Variants in LRRC17 observed in about 807,000 individuals in gnomAD.
LRRC17 encodes leucine-rich repeat-containing protein 17.
A neutral mutation model predicts 41.5 loss-of-function variants in LRRC17; 33 were observed. The ratio of observed to expected loss-of-function variants is 0.80; its 90% CI spans 0.60 to 1.06. LRRC17 has a LOEUF of 1.06. Ranked by LOEUF, LRRC17 falls within the 50% of genes least tolerant of loss-of-function variation. The pLI is 0.00. For missense variants in LRRC17, 491 were observed against 519.3 expected (o/e 0.95, Z 0.53); for synonymous variants, 192 against 197.0 (o/e 0.97, Z 0.21).
intron 1 of LRRC17, among the ~76,000 whole-genome samples, chr7:102,922,092 A>G (rs2129471007): frequency 6.6e-6 from 1 of 152,104 alleles, no homozygotes; most frequent in Non-Finnish European, 1.5e-5. Context: ...CAGGAGGCTG[A>G]GGCAGGAGAC....
intron 1 of LRRC17, chr7:102,926,173 G>C: frequency 1.2e-6 from 1 of 867,734 alleles, no homozygotes; most frequent in Non-Finnish European, 1.8e-6. Context: ...CAGTGGTGGG[G>C]TGTTGATAAA....
intron 3 of LRRC17, among the ~76,000 whole-genome samples, chr7:102,941,803 G>A (rs1263401068): frequency 1.3e-5 from 2 of 151,370 alleles, no homozygotes; most frequent in Non-Finnish European, 2.9e-5. Flanking sequence ...ATGTATTAAA[G>A]TAATGAGTAA....
Position 102,913,052 on chromosome 7 carries a change from C to T in LRRC17, c.-234C>T. On this transcript the variant is annotated 5_prime_UTR_variant, in exon 1 of 4. Transcript: ENST00000339431. ...GCCCATTCTCTGGAGAACTTCCTCA[C>T]ACACCGCAGCAAAGAGAAGACTGAA... 1.2e-6 allele frequency: 2 copies of T among 1,613,796 alleles called. No homozygotes were observed. The highest frequency in any genetic ancestry group is 1.7e-6 in the Non-Finnish European group (2 of 1,179,816).
chr7:102,939,889 T>C (rs1405824691), intron 3 of LRRC17, among the ~76,000 whole-genome samples: 6 of 151,766 alleles, frequency 4.0e-5, no homozygotes, highest in Non-Finnish European at 8.8e-5. Flanking sequence ...TACTAAAATG[T>C]AGTGGTTTTT....
At chr7:102,927,522 A>G (rs1453520305) in intron 1 of LRRC17, among the ~76,000 whole-genome samples, 1 of 152,228 alleles carries the variant, frequency 6.6e-6, no homozygotes, top group Non-Finnish European at 1.5e-5. Context: ...TTTTAAAACA[A>G]TAAAATCCTG....
intron 1 of LRRC17, among the ~76,000 whole-genome samples, chr7:102,914,662 C>T (rs1342185619): frequency 6.6e-6 from 1 of 152,164 alleles, no homozygotes; most frequent in African/African-American, 2.4e-5. Context: ...TTACTTGATT[C>T]AGAACACACA....
intron 1 of LRRC17, among the ~76,000 whole-genome samples, chr7:102,922,467 T>C (rs1202076300): frequency 6.6e-6 from 1 of 152,156 alleles, no homozygotes. Flanking sequence ...CCAAAAAAAG[T>C]ATGCATATAA....
intron 3 of LRRC17, 91 bp from the exon 4 acceptor site, chr7:102,944,119 C>G: frequency 1.0e-6 from 1 of 955,406 alleles, no homozygotes; most frequent in Non-Finnish European, 1.5e-6. Context: ...GAAAATTAAG[C>G]CTCTTTTTAA....
intron 1 of LRRC17, among the ~76,000 whole-genome samples, chr7:102,924,875 C>T (rs552897307): frequency 3.9e-5 from 6 of 152,048 alleles, no homozygotes; most frequent in African/African-American, 9.6e-5. Flanking sequence ...ATGATCCACC[C>T]GCCCCGGCCT....
chr7:102,915,122 A>AT (rs386410852), intron 1 of LRRC17, among the ~76,000 whole-genome samples: 16,357 of 128,090 alleles, frequency 0.13, 1,135 homozygotes, highest in African/African-American at 0.18. Context: ...AGATTAAAAT[A>AT]TTTTTTTTTT....
At chr7:102,943,335 CCA>C (rs1491312982) in intron 3 of LRRC17, among the ~76,000 whole-genome samples, 6 of 13,862 alleles carry the variant, frequency 4.3e-4, no homozygotes, top group Non-Finnish European at 1.2e-3. Flanking sequence ...CAAGTAAATA[CCA>C]AAAAAAAAAA....
At position 102,933,756 on chromosome 7, in the gene LRRC17, T is replaced by C. The variant is rs151327013; in HGVS notation, c.-140-18T>C. The C allele has an allele frequency of 2.1e-4, 135 of 657,280 alleles. No homozygotes were observed. In the African/African-American group the frequency reaches 2.2e-3, roughly 11 times the overall value. 40.7% of individuals were successfully genotyped at this position (657,280 alleles called of 1,614,324 possible). A position where few individuals can be genotyped will look rare whatever the true frequency, so the allele number is the denominator to read the frequency against. ...GCAATGGGCCTTAATTTTTAATATA[T>C]ATTTTTTTCTCTTCCAGCCTAGGGA... On this transcript the variant is annotated intron_variant, in intron 1 of 3. Transcript: ENST00000339431.
At chr7:102,924,359 C>A (rs923015835) in intron 1 of LRRC17, among the ~76,000 whole-genome samples, 1 of 151,744 alleles carries the variant, frequency 6.6e-6, no homozygotes, top group Non-Finnish European at 1.5e-5. Flanking sequence ...ATTCATCTAT[C>A]AAGATTAATT....
At chr7:102,928,443 AC>A (rs1409329897) in intron 1 of LRRC17, among the ~76,000 whole-genome samples, 1 of 152,128 alleles carries the variant, frequency 6.6e-6, no homozygotes, top group East Asian at 1.9e-4. Context: ...GTGTTACCCA[AC>A]TCCTTAAATG....
intron 1 of LRRC17, among the ~76,000 whole-genome samples, chr7:102,919,366 C>A (rs576548169): frequency 6.6e-6 from 1 of 152,056 alleles, no homozygotes; most frequent in Non-Finnish European, 1.5e-5. Flanking sequence ...GGAATAAAAT[C>A]GGATCTAAAA....
chr7:102,915,219 G>C (rs1815611751), intron 1 of LRRC17, among the ~76,000 whole-genome samples: 1 of 149,338 alleles, frequency 6.7e-6, no homozygotes, highest in Admixed American at 6.7e-5. Context: ...AATCTGGTCT[G>C]CTTGTTCCCT....
At chr7:102,919,619 A>C (rs573870076) in intron 1 of LRRC17, among the ~76,000 whole-genome samples, 1 of 152,346 alleles carries the variant, frequency 6.6e-6, no homozygotes, top group East Asian at 1.9e-4. Context: ...ACAAAAAATC[A>C]TGCTAGCTTC....
intron 1 of LRRC17, among the ~76,000 whole-genome samples, chr7:102,917,238 T>C (rs1447322066): frequency 2.6e-5 from 4 of 152,200 alleles, no homozygotes; most frequent in African/African-American, 9.6e-5. Flanking sequence ...CCCACTTTGA[T>C]AGGCACTGGT....
intron 1 of LRRC17, chr7:102,926,282 GA>G (rs756338898): frequency 6.2e-7 from 1 of 1,613,344 alleles, no homozygotes; most frequent in Admixed American, 1.7e-5. Context: ...ACCTCGGCAG[GA>G]GTCGCATCGT....
Sources: gnomAD v4.1 joint callset for allele counts (sites outside exome capture counted in the v4.1 genomes callset) on GRCh38, gnomAD v4.1.1 for gene constraint, MANE v1.5 for transcripts, NCBI Gene and HGNC (gene_info 2026-07-23, HGNC 2026-07-21) for gene names.